NEBL: variants seen among roughly 807,000 people sequenced by gnomAD.
The protein encoded by NEBL is nebulette.
NEBL carries 122 observed loss-of-function variants against 140.2 expected under a neutral mutation model. That is an observed-to-expected ratio of 0.87 (90% confidence interval 0.75 to 1.01). The LOEUF (loss-of-function observed/expected upper bound fraction) is 1.01, where lower values mean the gene tolerates loss of function less well. Among genes scored for constraint, NEBL ranks in the 50% least tolerant of loss-of-function variants. The pLI is 0.00. For missense variants in NEBL, 1,365 were observed against 1,231.3 expected (o/e 1.11, Z -1.62); for synonymous variants, 436 against 398.9 (o/e 1.09, Z -1.11).
chr10:20,886,988 C>T (rs915234048), intron 4 of NEBL, among the ~76,000 whole-genome samples: 4 of 152,168 alleles, frequency 2.6e-5, no homozygotes, highest in Non-Finnish European at 4.4e-5. Flanking sequence ...GAGCAAGGAA[C>T]GAGACAGATG....
At chr10:21,229,719 G>C (rs567989654) in intron 3 of NEBL, among the ~76,000 whole-genome samples, 1 of 152,302 alleles carries the variant, frequency 6.6e-6, no homozygotes, top group South Asian at 2.1e-4. Context: ...ATGTCGACAG[G>C]AGCAGATGGG....
Position 20,785,640 on chromosome 10 carries a change from C to T in NEBL, c.*107G>A, listed in dbSNP as rs1163388110. On this transcript the variant is annotated 3_prime_UTR_variant, in exon 28 of 28. Coordinates refer to ENST00000377122, the MANE Select transcript of NEBL (RefSeq NM_006393.3). ...GTGTCTAATTGTCAAAGGAAGGATA[C>T]ATCATTGTAAAATAATGGCCAAGTT... 2.3e-6 allele frequency: 3 copies of T among 1,279,002 alleles called. No individual in the cohort carries two copies. Among genetic ancestry groups the T allele is most frequent in the African/African-American group, 1.5e-5 (1 of 67,436 alleles). The allele number at this position is 1,279,002 out of a possible 1,614,324, so 79.2% of individuals were successfully genotyped here.
chr10:21,196,117 C>T (rs1446579358), intron 3 of NEBL, among the ~76,000 whole-genome samples: 1 of 152,054 alleles, frequency 6.6e-6, no homozygotes, highest in East Asian at 1.9e-4. Flanking sequence ...GATTCTCCTG[C>T]CTCAGCCTCC....
chr10:21,259,307 A>G (rs554642961), intron 1 of NEBL, among the ~76,000 whole-genome samples: 1 of 152,088 alleles, frequency 6.6e-6, no homozygotes, highest in Non-Finnish European at 1.5e-5. Context: ...AGGCTAGGAA[A>G]CACACAGACT....
chr10:20,865,277 G>T (rs1166778081), intron 7 of NEBL, among the ~76,000 whole-genome samples: 1 of 152,126 alleles, frequency 6.6e-6, no homozygotes, highest in Non-Finnish European at 1.5e-5. Context: ...ATTATGTCAT[G>T]TTTCTATGGG....
rs1834962537 is a variant in NEBL at position 20,942,983 on chromosome 10, T to C, written c.357+18689A>G. Among the ~76,000 whole-genome samples the C allele has an allele frequency of 2.0e-5, 3 of 152,192 alleles. No homozygotes were observed. The South Asian group carries it at 6.2e-4, about 32-fold the overall frequency. The stretch of plus-strand genomic sequence containing the variant: ...TGGAGAAATAGGAACACTTTTACAC[T>C]GTTGGTGGGACTGTAAACTAGTTCA... On this transcript the variant is annotated intron_variant, in intron 4 of 6. Coordinates refer to the NEBL transcript ENST00000417816.
chr10:20,913,330 C>T (rs1272091604), intron 4 of NEBL, among the ~76,000 whole-genome samples: 1 of 152,134 alleles, frequency 6.6e-6, no homozygotes, highest in African/African-American at 2.4e-5. Flanking sequence ...CATTGAACAT[C>T]AGAAAAGGTA....
chr10:20,886,031 T>C (rs1313771670), intron 4 of NEBL, among the ~76,000 whole-genome samples: 1 of 152,152 alleles, frequency 6.6e-6, no homozygotes, highest in Non-Finnish European at 1.5e-5. Flanking sequence ...TCAAGAGTAA[T>C]GTATTTTCAG....
chr10:21,127,973 A>T (rs1838915871), intron 2 of NEBL, among the ~76,000 whole-genome samples: 1 of 152,224 alleles, frequency 6.6e-6, no homozygotes. Context: ...TGCAATATTG[A>T]TGTTGTAGGT....
chr10:21,025,253 T>C (rs1838978778), intron 2 of NEBL, among the ~76,000 whole-genome samples: 1 of 151,994 alleles, frequency 6.6e-6, no homozygotes, highest in Non-Finnish European at 1.5e-5. Flanking sequence ...TCAGAGCTGG[T>C]TGAGAGATGT....
At chr10:20,957,375 T>C (rs555069494) in intron 4 of NEBL, among the ~76,000 whole-genome samples, 6 of 152,332 alleles carry the variant, frequency 3.9e-5, no homozygotes, top group African/African-American at 1.4e-4. Context: ...TACTTTTTGG[T>C]ATACTTTTTT....
At chr10:20,792,659 G>A (rs775357309) in intron 26 of NEBL, among the ~76,000 whole-genome samples, 11 of 152,134 alleles carry the variant, frequency 7.2e-5, no homozygotes, top group Non-Finnish European at 1.3e-4. Context: ...AATTAGCTGG[G>A]CTTGGTGGCA....
chr10:20,804,793 T>C (rs1414004970), intron 26 of NEBL, among the ~76,000 whole-genome samples: 1 of 152,102 alleles, frequency 6.6e-6, no homozygotes, highest in Non-Finnish European at 1.5e-5. Flanking sequence ...AGATCAGATA[T>C]GGGTCTTGTA....
At chr10:20,805,030 G>C (rs1163227060) in intron 26 of NEBL, among the ~76,000 whole-genome samples, 1 of 152,176 alleles carries the variant, frequency 6.6e-6, no homozygotes, top group Non-Finnish European at 1.5e-5. Context: ...TAGCAACAAT[G>C]GAGGTAGGGC....
chr10:21,154,515 T>C (rs1840265312), intron 2 of NEBL, among the ~76,000 whole-genome samples: 1 of 151,050 alleles, frequency 6.6e-6, no homozygotes, highest in Non-Finnish European at 1.5e-5. Context: ...TAAATTTTCA[T>C]GACTTTGTGC....
At chr10:21,122,651 G>A (rs1838633694) in intron 2 of NEBL, among the ~76,000 whole-genome samples, 1 of 152,156 alleles carries the variant, frequency 6.6e-6, no homozygotes, top group Non-Finnish European at 1.5e-5. Context: ...TAATCTGGTT[G>A]GGAGAGACAG....
chr10:20,908,479 G>C (rs1419062030), intron 4 of NEBL, among the ~76,000 whole-genome samples: 4 of 152,130 alleles, frequency 2.6e-5, no homozygotes. Flanking sequence ...AGGAAAGGCA[G>C]GCCATAATGA....
intron 1 of NEBL, among the ~76,000 whole-genome samples, chr10:21,256,881 T>A (rs1255517873): frequency 6.6e-6 from 1 of 152,220 alleles, no homozygotes; most frequent in East Asian, 1.9e-4. Flanking sequence ...CTAATTATTT[T>A]TTCTACATTT....
chr10:20,942,072 G>T (rs1393249484), intron 4 of NEBL, among the ~76,000 whole-genome samples: 3 of 152,180 alleles, frequency 2.0e-5, no homozygotes, highest in South Asian at 2.1e-4. Context: ...TTTCTTCACA[G>T]AATTGGAAAA....
Sources: gnomAD v4.1 joint callset for allele counts (sites outside exome capture counted in the v4.1 genomes callset) on GRCh38, gnomAD v4.1.1 for gene constraint, MANE v1.5 for transcripts, NCBI Gene and HGNC (gene_info 2026-07-23, HGNC 2026-07-21) for gene names.